Variants in SDR42E1 observed in about 807,000 individuals in gnomAD.
SDR42E1 encodes short-chain dehydrogenase/reductase family 42E member 1.
A neutral mutation model predicts 2.6 loss-of-function variants in SDR42E1; 5 were observed. That is an observed-to-expected ratio of 1.94 (90% confidence interval 1.01 to 4.08). The LOEUF is 4.08. Ranked by LOEUF, SDR42E1 falls within the 30% of genes most tolerant of loss-of-function variation. The probability of loss-of-function intolerance (pLI) is 0.00; values close to 1 mark genes in which losing one functional copy is unlikely to be tolerated. For synonymous variants in SDR42E1, 231 were observed against 188.3 expected (o/e 1.23, Z -1.86); for missense variants, 596 against 478.6 (o/e 1.25, Z -2.29).
rs200077505 is a variant in SDR42E1, at chr16:82,000,844, T to C, written c.15A>G (p.Arg5=). Residue 5 remains arginine (R), a synonymous_variant, in exon 2 of 3, where the codon AGA becomes AGG. Coordinates refer to ENST00000328945, the MANE Select transcript of SDR42E1 (RefSeq NM_145168.3). MDPK[R]SQKESVLITG... ...TAATGAGGACACTTTCCTTTTGAGA[T>C]CTTTTGGGGTCCATATGTGGCAGTC... The C allele has an allele frequency of 1.3e-5, 21 of 1,613,810 alleles. No homozygotes were observed. The highest frequency in any genetic ancestry group is 1.0e-4 in the Admixed American group (6 of 59,988).
chr16:82,004,346 T>C (rs1812371907), intron 1 of SDR42E1, among the ~76,000 whole-genome samples: 1 of 152,004 alleles, frequency 6.6e-6, no homozygotes, highest in African/African-American at 2.4e-5. Context: ...AATAAATGGA[T>C]CACATGCAGG....
At chr16:82,006,342 T>C (rs1414062987) in intron 1 of SDR42E1, among the ~76,000 whole-genome samples, 1 of 152,244 alleles carries the variant, frequency 6.6e-6, no homozygotes, top group Non-Finnish European at 1.5e-5. Flanking sequence ...ATATTCATGC[T>C]AGAGGGCTTA....
rs1050898177 is a variant in SDR42E1, at chr16:81,997,115, A to T, written c.*1996T>A. 3 of 152,126 alleles carry T rather than the reference A, an allele frequency of 2.0e-5. No individual in the cohort carries two copies. The highest frequency in any genetic ancestry group is 4.8e-5 in the African/African-American group (2 of 41,428). 9.4% of individuals were successfully genotyped at this position (152,126 alleles called of 1,614,324 possible). A position where few individuals can be genotyped will look rare whatever the true frequency, so the allele number is the denominator to read the frequency against. ...GTGGCTTTTGTGAGTGAACTGCAATAAGACTCAGGTGACGCATTCAAAATA... is the reference window on the plus strand; with the variant it reads ...GTGGCTTTTGTGAGTGAACTGCAATTAGACTCAGGTGACGCATTCAAAATA... On this transcript the variant is annotated 3_prime_UTR_variant, in exon 3 of 3. Coordinates refer to ENST00000328945, the MANE Select transcript of SDR42E1 (RefSeq NM_145168.3).
chr16:82,002,382 T>C (rs1292356956), intron 1 of SDR42E1, among the ~76,000 whole-genome samples: 1 of 152,182 alleles, frequency 6.6e-6, no homozygotes, highest in Non-Finnish European at 1.5e-5. Context: ...TGTTGTGCTA[T>C]GTTACAGGAA....
At position 81,991,062 on chromosome 16, in the gene SDR42E1, G is replaced by A. The variant is rs8056729; in HGVS notation, c.*8049C>T. On this transcript the variant is annotated 3_prime_UTR_variant, in exon 3 of 3. Coordinates refer to ENST00000328945, the MANE Select transcript of SDR42E1 (RefSeq NM_145168.3). Reference sequence around the variant, plus strand: ...TCTGCTCTCAAGATACTGATTTAGAGGAGAGACTAGGACATGTGCAATGTG... The same window carrying A: ...TCTGCTCTCAAGATACTGATTTAGAAGAGAGACTAGGACATGTGCAATGTG... 3 of 152,200 alleles carry A rather than the reference G, an allele frequency of 2.0e-5. No homozygotes were observed. Among genetic ancestry groups the A allele is most frequent in the African/African-American group, 7.2e-5 (3 of 41,456 alleles). 9.4% of individuals were successfully genotyped at this position (152,200 alleles called of 1,614,324 possible).
intron 1 of SDR42E1, among the ~76,000 whole-genome samples, chr16:82,001,739 A>G (rs535353825): frequency 3.0e-4 from 46 of 152,044 alleles, no homozygotes; most frequent in African/African-American, 1.1e-3. Flanking sequence ...CGTCTCTACT[A>G]AAAATACAAA....
chr16:81,992,347 C>A lies in SDR42E1; in HGVS notation c.*6764G>T, dbSNP rs1912446683. The A allele has an allele frequency of 6.6e-6, 1 of 152,118 alleles. No individual in the cohort carries two copies. The highest frequency in any genetic ancestry group is 2.4e-5 in the African/African-American group (1 of 41,414). The allele number at this position is 152,118 out of a possible 1,614,324, so 9.4% of individuals were successfully genotyped here. On this transcript the variant is annotated 3_prime_UTR_variant, in exon 3 of 3. Transcript: ENST00000328945. ...CTATGAAAGGCACAGGACTATAAAT[C>A]AGTGGAGTGGGGGTGTTGTAATTGC... is the stretch of plus-strand genomic sequence containing the variant.
chr16:82,007,753 G>A (rs931286041), intron 1 of SDR42E1: 2 of 152,218 alleles, frequency 1.3e-5, no homozygotes, highest in Non-Finnish European at 2.9e-5. Flanking sequence ...TGTGGCACAG[G>A]TAGCACTGAT....
chr16:82,009,054 G>A (rs926645341), intron 1 of SDR42E1, among the ~76,000 whole-genome samples: 7 of 152,096 alleles, frequency 4.6e-5, no homozygotes, highest in South Asian at 4.1e-4. Context: ...ACTTCCATGC[G>A]GTGTTAAGCC....
chr16:81,995,079 C>G lies in SDR42E1; in HGVS notation c.*4032G>C, dbSNP rs1318186284. The G allele has an allele frequency of 1.3e-5, 2 of 152,144 alleles. No homozygotes were observed. Among genetic ancestry groups the G allele is most frequent in the African/African-American group, 4.8e-5 (2 of 41,400 alleles). The allele number at this position is 152,144 out of a possible 1,614,324, so 9.4% of individuals were successfully genotyped here. A position where few individuals can be genotyped will look rare whatever the true frequency, so the allele number is the denominator to read the frequency against. ...AACAGGCTTTCCAGACCGCTCTTCC[C>G]TTTTTGCAGGTGGGAGCAGTTTGGG... On this transcript the variant is annotated 3_prime_UTR_variant, in exon 3 of 3. Coordinates refer to ENST00000328945, the MANE Select transcript of SDR42E1 (RefSeq NM_145168.3).
In SDR42E1 at chr16:81,999,188, A is replaced by G. The variant is rs1912638387; in HGVS notation, c.1105T>C (p.Trp369Arg). 6.2e-7 allele frequency: 1 copy of G among 1,614,090 alleles called. No homozygotes were observed. The highest frequency in any genetic ancestry group is 1.3e-5 in the African/African-American group (1 of 74,920). The change falls in exon 3 of 3, where the codon TGG becomes CGG. Residue 369 changes from tryptophan (W) to arginine (R), a missense_variant. Transcript: ENST00000328945. ...AGGAGGAAGACCAATAGCCCATCCC[A>G]AACAAAACACTCCGAGTCACGACTT... is the stretch of plus-strand genomic sequence containing the variant. ...SGSRDSECFV[W>R]DGLLVFLLII...
chr16:82,006,353 C>T (rs141456182), intron 1 of SDR42E1, among the ~76,000 whole-genome samples: 31 of 152,244 alleles, frequency 2.0e-4, no homozygotes, highest in African/African-American at 5.5e-4. Context: ...AGAGGGCTTA[C>T]GAAATGGTGC....
Position 82,000,089 on chromosome 16 carries a change from G to C in SDR42E1, c.204C>G (p.Phe68Leu), listed in dbSNP as rs200345945. ...IRHLSDVEKA[F>L]QDADVTCVFH... The stretch of plus-strand genomic sequence containing the variant: ...ACACACAAGTGACGTCTGCATCCTG[G>C]AAGGCTTTCTCTACGTCAGACAGGT... The change falls in exon 3 of 3, where the codon TTC becomes TTG. Residue 68 changes from phenylalanine to leucine, a missense_variant. Phe to Leu is a conservative substitution (Grantham distance 22). Transcript: ENST00000328945. 8.7e-6 allele frequency: 14 copies of C among 1,614,232 alleles called. No individual in the cohort carries two copies. The East Asian group carries it at 2.0e-4, about 23-fold the overall frequency.
chr16:82,010,388 G>A (rs16956207), intron 1 of SDR42E1, among the ~76,000 whole-genome samples: 2,716 of 152,198 alleles, frequency 0.018, 92 homozygotes, highest in African/African-American at 0.063. Context: ...ATGTAATGCC[G>A]CACAATAAGG....
In SDR42E1 at chr16:81,991,041, C is replaced by T. The variant is rs549880928; in HGVS notation, c.*8070G>A. The T allele has an allele frequency of 6.6e-6, 1 of 152,264 alleles. No individual in the cohort carries two copies. Among genetic ancestry groups the T allele is most frequent in the East Asian group, 1.9e-4 (1 of 5,174 alleles). The allele number at this position is 152,264 out of a possible 1,614,324, so 9.4% of individuals were successfully genotyped here. A position where few individuals can be genotyped will look rare whatever the true frequency, so the allele number is the denominator to read the frequency against. On this transcript the variant is annotated 3_prime_UTR_variant, in exon 3 of 3. Coordinates refer to ENST00000328945, the MANE Select transcript of SDR42E1 (RefSeq NM_145168.3). ...AGCAGCGAATAATACTTGGGCTCTG[C>T]TCTCAAGATACTGATTTAGAGGAGA...
intron 1 of SDR42E1, among the ~76,000 whole-genome samples, chr16:82,004,911 G>C (rs1044085894): frequency 2.0e-5 from 3 of 152,208 alleles, no homozygotes; most frequent in South Asian, 2.1e-4. Context: ...GCTGCACCCA[G>C]GTGATGTTTT....
chr16:82,011,241 G>C (rs1417623776), intron 1 of SDR42E1, 146 bp downstream of exon 1: 1 of 152,244 alleles, frequency 6.6e-6, no homozygotes, highest in Non-Finnish European at 1.5e-5. Flanking sequence ...ACATCTGAAA[G>C]GGGATACTCC....
intron 1 of SDR42E1, among the ~76,000 whole-genome samples, chr16:82,010,016 T>C (rs1913074585): frequency 6.6e-6 from 1 of 152,226 alleles, no homozygotes; most frequent in African/African-American, 2.4e-5. Flanking sequence ...CAAGCTCTCT[T>C]GCCTGCCACC....
At position 81,997,184 on chromosome 16, in the gene SDR42E1, T is replaced by A. The variant is rs1261323778; in HGVS notation, c.*1927A>T. The stretch of plus-strand genomic sequence containing the variant: ...CCAGCTTGAATGGAAAGGGATATAG[T>A]GCAAAATGTTAACACAGCCGTTGGG... On this transcript the variant is annotated 3_prime_UTR_variant, in exon 3 of 3. Coordinates refer to ENST00000328945, the MANE Select transcript of SDR42E1 (RefSeq NM_145168.3). 2 of 152,150 alleles carry A rather than the reference T, an allele frequency of 1.3e-5. No individual in the cohort carries two copies. 9.4% of individuals were successfully genotyped at this position (152,150 alleles called of 1,614,324 possible). A position where few individuals can be genotyped will look rare whatever the true frequency, so the allele number is the denominator to read the frequency against.
Sources: gnomAD v4.1 joint callset for allele counts (sites outside exome capture counted in the v4.1 genomes callset) on GRCh38, gnomAD v4.1.1 for gene constraint, MANE v1.5 for transcripts, NCBI Gene and HGNC (gene_info 2026-07-23, HGNC 2026-07-21) for gene names.